The following HSPA4L variants were observed in gnomAD, a reference collection of about 807,000 sequenced individuals.
The protein encoded by HSPA4L is heat shock 70 kDa protein 4L.
A neutral mutation model predicts 100.3 loss-of-function variants in HSPA4L; 48 were observed. That is an observed-to-expected ratio of 0.48 (90% CI 0.38 to 0.61). The LOEUF (loss-of-function observed/expected upper bound fraction) is 0.61, where lower values mean the gene tolerates loss of function less well. Among genes scored for constraint, HSPA4L ranks in the 20% least tolerant of loss-of-function variants. HSPA4L has a pLI of 0.00. For missense variants in HSPA4L, 886 were observed against 988.6 expected, an observed-to-expected ratio of 0.90 and a Z score of 1.39; for synonymous variants, 319 against 328.2, an observed-to-expected ratio of 0.97 and a Z score of 0.30.
At chr4:127,793,899 C>T (rs1336977332) in intron 1 of HSPA4L, among the ~76,000 whole-genome samples, 178 bp from the exon 2 acceptor site, 1 of 152,066 alleles carries the variant, frequency 6.6e-6, no homozygotes, top group African/African-American at 2.4e-5. Flanking sequence ...TTTATTCTGA[C>T]CACCATTTTA....
In HSPA4L at chr4:127,808,020, C is replaced by A. The variant is rs145734227; in HGVS notation, c.1269C>A (p.Asn423Lys). The A allele has an allele frequency of 6.2e-7, 1 of 1,609,730 alleles. No homozygotes were observed. The highest frequency in any genetic ancestry group is 2.2e-5 in the East Asian group (1 of 44,744). ...GSGECEVFCK[N>K]HPAPFSKVIT... is the part of the protein sequence containing the mutation. ...GGGAATGTGAAGTTTTCTGTAAGAA[C>A]CATCCTGCCCCATTCTCAAAAGTCA... Residue 423 changes from asparagine (N) to lysine (K), a missense_variant, in exon 11 of 19, where the codon AAC becomes AAA. Physicochemically the swap from Asn to Lys is moderately conservative, Grantham distance 94. Transcript: ENST00000296464.
At chr4:127,827,180 A>G (rs1379301463) in intron 16 of HSPA4L, 125 bp from the exon 17 acceptor site, 5 of 732,846 alleles carry the variant, frequency 6.8e-6, no homozygotes, top group Admixed American at 2.9e-5. Flanking sequence ...ATACAGGAAA[A>G]TAAGAGGGGA....
At chr4:127,797,320 C>T (rs1733047927) in intron 3 of HSPA4L, among the ~76,000 whole-genome samples, 1 of 152,120 alleles carries the variant, frequency 6.6e-6, no homozygotes, top group South Asian at 2.1e-4. Flanking sequence ...ATTTGAACTA[C>T]TTAATTTTGT....
At chr4:127,831,659 GTTAAA>G (rs1377791140) in intron 18 of HSPA4L, among the ~76,000 whole-genome samples, 3 of 152,032 alleles carry the variant, frequency 2.0e-5, no homozygotes, top group Non-Finnish European at 4.4e-5. Flanking sequence ...GTATTGGTAA[GTTAAA>G]TTACAGAACC....
intron 17 of HSPA4L, 26 bp from the exon 18 acceptor site, chr4:127,830,612 C>A: frequency 6.5e-7 from 1 of 1,533,972 alleles, no homozygotes; most frequent in Non-Finnish European, 8.8e-7. Flanking sequence ...CATTAACATG[C>A]AGTCAAGCTT....
intron 2 of HSPA4L, 83 bp from the exon 3 acceptor site, chr4:127,795,685 C>G: frequency 7.4e-7 from 1 of 1,353,600 alleles, no homozygotes. Context: ...GATAAAGGAA[C>G]TTGGTGGTTG....
At position 127,782,663 on chromosome 4, in the gene HSPA4L, T is replaced by C; in HGVS notation, c.107+6T>C. On this transcript the variant is annotated splice_donor_region_variant and intron_variant, in intron 1 of 18. Coordinates refer to ENST00000296464, the MANE Select transcript of HSPA4L (RefSeq NM_014278.4). ...TACAGCGACAGGTGTACCCCGTAAG[T>C]GCCTCTGCTGAGCATCACCTCGACC... The C allele has an allele frequency of 6.3e-7, 1 of 1,596,080 alleles. No homozygotes were observed. Among genetic ancestry groups the C allele is most frequent in the East Asian group, 2.3e-5 (1 of 43,952 alleles).
Position 127,818,336 on chromosome 4 carries a change from G to A in HSPA4L, c.1590G>A (p.Gln530=). Residue 530 remains glutamine, a synonymous_variant, in exon 13 of 19, where the codon CAG becomes CAA. Transcript: ENST00000296464. ...TATTTTCTTTCTAGGATAAAATGCA[G>A]GTTGATCAAGAAGAAGGGCATCAAA... ...NENKDNMDKM[Q]VDQEEGHQKC... is the part of the protein sequence containing the mutation. 3 of 1,608,450 alleles carry A rather than the reference G, an allele frequency of 1.9e-6. No homozygotes were observed. Among genetic ancestry groups the A allele is most frequent in the South Asian group, 1.1e-5 (1 of 90,340 alleles).
At chr4:127,786,325 A>G (rs1328799535) in intron 1 of HSPA4L, among the ~76,000 whole-genome samples, 1 of 152,218 alleles carries the variant, frequency 6.6e-6, no homozygotes, top group East Asian at 1.9e-4. Flanking sequence ...CATATACGTA[A>G]CTAGGTTAAT....
chr4:127,783,521 A>G (rs1218583689), intron 1 of HSPA4L: 189 of 1,491,964 alleles, frequency 1.3e-4, no homozygotes, highest in Non-Finnish European at 1.7e-4. Context: ...ACATGTTTCC[A>G]CATGTTCCGT....
chr4:127,803,210 G>A (rs1188460722), intron 6 of HSPA4L, among the ~76,000 whole-genome samples: 1 of 151,972 alleles, frequency 6.6e-6, no homozygotes, highest in African/African-American at 2.4e-5. Flanking sequence ...ACCAATTATG[G>A]TATTTTATAT....
At chr4:127,827,536 C>G in intron 17 of HSPA4L, 112 bp downstream of exon 17, 1 of 1,222,348 alleles carries the variant, frequency 8.2e-7, no homozygotes, top group Non-Finnish European at 1.1e-6. Flanking sequence ...CTATCAAATT[C>G]CAGAGACTTT....
intron 1 of HSPA4L, among the ~76,000 whole-genome samples, chr4:127,782,865 A>G (rs1732603974): frequency 6.6e-6 from 1 of 151,892 alleles, no homozygotes; most frequent in Non-Finnish European, 1.5e-5. Context: ...TTTTCCTTCA[A>G]GGACGAGGGA....
chr4:127,815,370 C>G (rs1261709602), intron 12 of HSPA4L, among the ~76,000 whole-genome samples: 1 of 152,104 alleles, frequency 6.6e-6, no homozygotes, highest in Non-Finnish European at 1.5e-5. Context: ...CCACATCAGG[C>G]TCCGGGTACT....
chr4:127,803,544 C>T (rs1733254238), intron 6 of HSPA4L, 85 bp from the exon 7 acceptor site: 2 of 1,329,618 alleles, frequency 1.5e-6, no homozygotes, highest in Non-Finnish European at 2.0e-6. Context: ...TTTATTTTTA[C>T]ATTTTTTTAT....
At position 127,818,323 on chromosome 4, in the gene HSPA4L, A is replaced by G; in HGVS notation, c.1579-2A>G. 2 of 1,595,740 alleles carry G rather than the reference A, an allele frequency of 1.3e-6. No homozygotes were observed. Among genetic ancestry groups the G allele is most frequent in the Non-Finnish European group, 1.7e-6 (2 of 1,165,644 alleles). ...ATTATCAATTATGTATTTTCTTTCT[A>G]GGATAAAATGCAGGTTGATCAAGAA... On this transcript the variant is annotated splice_acceptor_variant, in intron 12 of 18. Coordinates refer to ENST00000296464, the MANE Select transcript of HSPA4L (RefSeq NM_014278.4). LOFTEE classifies it high-confidence loss of function.
chr4:127,800,151 T>C (rs1481304701), intron 4 of HSPA4L, among the ~76,000 whole-genome samples: 1 of 152,188 alleles, frequency 6.6e-6, no homozygotes, highest in Non-Finnish European at 1.5e-5. Context: ...CTGAGTTTAA[T>C]TTTTAAATAG....
At chr4:127,809,676 T>G (rs1335697897) in intron 11 of HSPA4L, among the ~76,000 whole-genome samples, 1 of 152,164 alleles carries the variant, frequency 6.6e-6, no homozygotes, top group Non-Finnish European at 1.5e-5. Context: ...TCCAAGGAAT[T>G]GATTATGTAC....
chr4:127,805,205 C>T lies in HSPA4L; in HGVS notation c.1118C>T (p.Ala373Val). Residue 373 changes from alanine (A) to valine (V), a missense_variant, in exon 9 of 19, where the codon GCA (alanine) becomes GTA (valine). Transcript: ENST00000296464. ...ACATTAAATGCTGATGAAGCTGTTG[C>T]AAGAGGATGTGCGTTACAGGTATAA... is the stretch of plus-strand genomic sequence containing the variant. ...STTLNADEAV[A>V]RGCALQCAIL... 2 of 1,607,966 alleles carry T rather than the reference C, an allele frequency of 1.2e-6. No homozygotes were observed. The highest frequency in any genetic ancestry group is 1.7e-6 in the Non-Finnish European group (2 of 1,177,754).
Sources: allele counts gnomAD v4.1 joint callset (sites outside exome capture counted in the v4.1 genomes callset), GRCh38; gene constraint gnomAD v4.1.1; transcripts MANE v1.5; gene names NCBI Gene and HGNC (gene_info 2026-07-23, HGNC 2026-07-21).